The following FAT2 variants were observed in gnomAD, a reference collection of about 807,000 sequenced individuals.
FAT2 encodes protocadherin Fat 2.
In FAT2, 150 loss-of-function variants were observed where a neutral mutation model predicts 295.3. The observed-to-expected ratio is 0.51, with a 90% CI of 0.44 to 0.58. The LOEUF (loss-of-function observed/expected upper bound fraction) is 0.58. FAT2 is among the 20% of genes least tolerant of loss of function. The pLI, the probability that FAT2 is intolerant of heterozygous loss-of-function variation, is 0.00. For synonymous variants in FAT2, 2,026 were observed against 2,150.3 expected (o/e 0.94, Z 1.60); for missense variants, 4,868 against 5,442.7 (o/e 0.89, Z 3.32).
rs372485938 is a variant in FAT2, at chr5:151,507,089, G to T, written c.12517+65C>A. ...AAAAATGCCTGTGCCTCAGATAACG[G>T]AGTGTTTAGAACCACCACCCACTTC... On this transcript the variant is annotated intron_variant, in intron 23 of 23. Coordinates refer to ENST00000261800, the MANE Select transcript of FAT2 (RefSeq NM_001447.3). 1.2e-4 allele frequency: 169 copies of T among 1,390,236 alleles called. No homozygotes were observed. The East Asian group carries it at 3.5e-3, about 29-fold the overall frequency. 86.1% of individuals were successfully genotyped at this position (1,390,236 alleles called of 1,614,324 possible).
In FAT2 at chr5:151,567,628, G is replaced by T. The variant is rs1168732715; in HGVS notation, c.1304C>A (p.Thr435Asn). 4 of 1,614,014 alleles carry T rather than the reference G, an allele frequency of 2.5e-6. No individual in the cohort carries two copies. Among genetic ancestry groups the T allele is most frequent in the Non-Finnish European group, 3.4e-6 (4 of 1,180,024 alleles). ...CACGGTGGAGGCCTGGCCCGGTGAG[G>T]TTCTGATGTGTAGCTGATAGTGGGC... ...DRAHYQLHIR[T>N]SPGQASTVVV... Residue 435 changes from threonine to asparagine, a missense_variant, in exon 2 of 24, where the codon ACC becomes AAC. Transcript: ENST00000261800.
At chr5:151,532,661 G>A (rs370916235) in intron 13 of FAT2, among the ~76,000 whole-genome samples, 4 of 152,258 alleles carry the variant, frequency 2.6e-5, no homozygotes, top group African/African-American at 9.6e-5. Flanking sequence ...GAAGTTCTTA[G>A]TAAATCAAAA....
chr5:151,535,066 T>C (rs1168327975), intron 12 of FAT2, among the ~76,000 whole-genome samples: 1 of 149,688 alleles, frequency 6.7e-6, no homozygotes, highest in Non-Finnish European at 1.5e-5. Context: ...TCTGCAGCAC[T>C]GTTTATAATA....
Position 151,566,655 on chromosome 5 carries a change from C to A in FAT2, c.2277G>T (p.Glu759Asp), listed in dbSNP as rs1169411347. The A allele has an allele frequency of 6.2e-7, 1 of 1,614,178 alleles. No homozygotes were observed. Among genetic ancestry groups the A allele is most frequent in the Non-Finnish European group, 8.5e-7 (1 of 1,180,030 alleles). ...CCAGCTCTATGTCAAAGCAGCCCTC[C>A]TCATTGCCATCTGCAATCACATAGA... The part of the protein sequence containing the change: ...KLVYVIADGN[E>D]EGCFDIELET... Residue 759 changes from glutamate (E) to aspartate (D), a missense_variant, in exon 2 of 24, where the codon GAG becomes GAT. By Grantham distance (45) the Glu-to-Asp change is conservative. Coordinates refer to ENST00000261800, the MANE Select transcript of FAT2 (RefSeq NM_001447.3).
chr5:151,593,704 G>T (rs566053703), upstream of FAT2, among the ~76,000 whole-genome samples: 117 of 152,010 alleles, frequency 7.7e-4, no homozygotes, highest in African/African-American at 2.7e-3. Context: ...TGACCAAGAA[G>T]TAATAATAAT....
upstream of FAT2, among the ~76,000 whole-genome samples, chr5:151,591,413 A>G (rs1759402089): frequency 6.6e-6 from 1 of 152,142 alleles, no homozygotes; most frequent in African/African-American, 2.4e-5. Flanking sequence ...TCTCTGTCTC[A>G]CGGAGAGGGA....
At position 151,567,601 on chromosome 5, in the gene FAT2, A is replaced by G. The variant is rs114337863; in HGVS notation, c.1331T>C (p.Val444Ala). The G allele has an allele frequency of 0.022, 35,214 of 1,614,138 alleles. 422 individuals are homozygous for G. Among genetic ancestry groups the G allele is most frequent in the Non-Finnish European group, 0.026 (30,669 of 1,180,016 alleles). The part of the protein sequence containing the change: ...RTSPGQASTV[V>A]VIDIVDCNNH... ...GTTGCAGTCCACAATGTCAATGACC[A>G]CCACGGTGGAGGCCTGGCCCGGTGA... The change falls in exon 2 of 24, where the codon GTG (valine) becomes GCG (alanine). Residue 444 changes from valine (V) to alanine (A), a missense_variant. Coordinates refer to ENST00000261800, the MANE Select transcript of FAT2 (RefSeq NM_001447.3).
chr5:151,568,985 G>C (rs1758416547), intron 1 of FAT2, 34 bp from the exon 2 acceptor site: 3 of 1,526,272 alleles, frequency 2.0e-6, no homozygotes, highest in Non-Finnish European at 2.6e-6. Context: ...GTGCAAGTTA[G>C]GGGGAAAAAA....
Position 151,565,657 on chromosome 5 carries a change from A to ACCCCCCCCC in FAT2, c.3259+15_3259+16insGGGGGGGGG. 1 of 1,038,304 alleles carries ACCCCCCCCC rather than the reference A, an allele frequency of 9.6e-7. No individual in the cohort carries two copies. The highest frequency in any genetic ancestry group is 3.5e-5 in the East Asian group (1 of 28,358). 64.3% of individuals were successfully genotyped at this position (1,038,304 alleles called of 1,614,324 possible). ...ACCTCTGGCCCTGGCACCCCACCCT[A>ACCCCCCCCC]CCCCACCCCCAGTACCTGTATCTTG... On this transcript the variant is annotated intron_variant, in intron 2 of 23. Transcript: ENST00000261800.
intron 19 of FAT2, among the ~76,000 whole-genome samples, chr5:151,520,011 C>A (rs914062141): frequency 6.6e-6 from 1 of 152,212 alleles, no homozygotes; most frequent in Non-Finnish European, 1.5e-5. Flanking sequence ...CTGAGAGAGA[C>A]CCTTCAGCCT....
In FAT2 at chr5:151,525,911, A is replaced by G. The variant is rs143842020; in HGVS notation, c.10363T>C (p.Ser3455Pro). The G allele has an allele frequency of 1.2e-6, 2 of 1,614,108 alleles. No individual in the cohort carries two copies. The highest frequency in any genetic ancestry group is 1.7e-6 in the Non-Finnish European group (2 of 1,180,010). ...GAGTAGGGGGGGCCATTCTCTGGAG[A>G]ATCTGGGTCACTCAGGATCAGCTGC... Reference protein sequence around the residue: ...VLQLILSDPDSPENGPPYSFR... With the variant: ...VLQLILSDPDPPENGPPYSFR... Residue 3455 changes from serine to proline, a missense_variant, in exon 18 of 24, where the codon TCT (serine) becomes CCT (proline). Transcript: ENST00000261800.
At chr5:151,519,517 C>T (rs932016432) in intron 19 of FAT2, among the ~76,000 whole-genome samples, 6 of 152,044 alleles carry the variant, frequency 3.9e-5, no homozygotes, top group East Asian at 3.9e-4. Flanking sequence ...TAAGTTCTCT[C>T]GGAGAATCTG....
chr5:151,527,408 A>G (rs1000995814), intron 16 of FAT2, 31 bp from the exon 17 acceptor site: 7 of 1,557,384 alleles, frequency 4.5e-6, no homozygotes, highest in African/African-American at 1.4e-5. Flanking sequence ...GAGGTTAGCA[A>G]TGAGGTAGCT....
At chr5:151,558,114 T>A (rs564560070) in intron 3 of FAT2, among the ~76,000 whole-genome samples, 2 of 152,226 alleles carry the variant, frequency 1.3e-5, no homozygotes, top group African/African-American at 2.4e-5. Context: ...CTTTAAGGAA[T>A]GTATTCTAAG....
chr5:151,526,014 C>A (rs2127585008), intron 17 of FAT2, 49 bp from the exon 18 acceptor site: 1 of 1,578,190 alleles, frequency 6.3e-7, no homozygotes, highest in South Asian at 1.1e-5. Flanking sequence ...GAGTCCCGGT[C>A]CTTCCTTTCG....
Position 151,563,566 on chromosome 5 carries a change from G to A in FAT2, c.3333C>T (p.Asp1111=), listed in dbSNP as rs2127642284. 1 of 1,614,168 alleles carries A rather than the reference G, an allele frequency of 6.2e-7. No individual in the cohort carries two copies. Among genetic ancestry groups the A allele is most frequent in the Non-Finnish European group, 8.5e-7 (1 of 1,180,018 alleles). Residue 1111 remains aspartate (D), a synonymous_variant, in exon 3 of 24, where the codon GAC becomes GAT. Coordinates refer to ENST00000261800, the MANE Select transcript of FAT2 (RefSeq NM_001447.3). ...SYYWLTVLAV[D]RGSVPLSSVT... is the part of the protein sequence containing the mutation. ...CAGAAGAGAGGGGCACAGAACCCCT[G>A]TCCACTGCTAATACCGTCAACCAGT...
chr5:151,515,441 C>A (rs747994486), intron 20 of FAT2, among the ~76,000 whole-genome samples: 1 of 152,118 alleles, frequency 6.6e-6, no homozygotes, highest in Non-Finnish European at 1.5e-5. Context: ...CAGCATAGAC[C>A]CCTCACAACA....
chr5:151,521,214 T>A, intron 19 of FAT2, 62 bp downstream of exon 19: 1 of 1,506,172 alleles, frequency 6.6e-7, no homozygotes, highest in East Asian at 2.3e-5. Context: ...ATCTCCATGC[T>A]TAGAGTCAGG....
intron 12 of FAT2, among the ~76,000 whole-genome samples, chr5:151,537,036 C>G (rs368329525): frequency 6.6e-6 from 1 of 152,200 alleles, no homozygotes; most frequent in South Asian, 2.1e-4. Context: ...TCTGTGTCCA[C>G]AAGTCTCACA....
Sources: gnomAD v4.1 joint callset for allele counts (sites outside exome capture counted in the v4.1 genomes callset) on GRCh38, gnomAD v4.1.1 for gene constraint, MANE v1.5 for transcripts, NCBI Gene and HGNC (gene_info 2026-07-23, HGNC 2026-07-21) for gene names.